Variants in MCF2L observed in about 807,000 individuals in gnomAD.
MCF2L encodes MCF.2 cell line derived transforming sequence like.
MCF2L carries 97 observed loss-of-function variants against 153.4 expected under a neutral mutation model. That is an observed-to-expected ratio of 0.63 (90% confidence interval 0.54 to 0.75). The LOEUF is 0.75. Among genes scored for constraint, MCF2L ranks in the 30% least tolerant of loss-of-function variants. The pLI is 0.00. For synonymous variants in MCF2L, 659 were observed against 632.2 expected, an observed-to-expected ratio of 1.04 and a Z score of -0.64; for missense variants, 1,347 against 1,495.2, an observed-to-expected ratio of 0.90 and a Z score of 1.64.
intron 2 of MCF2L, among the ~76,000 whole-genome samples, chr13:112,962,835 G>A (rs956731238): frequency 8.5e-5 from 13 of 152,200 alleles, no homozygotes; most frequent in African/African-American, 2.7e-4. Flanking sequence ...CCAGGCAGCC[G>A]ATGCCCTCAA....
chr13:112,958,879 G>T (rs1301050155), intron 2 of MCF2L, among the ~76,000 whole-genome samples: 1 of 152,172 alleles, frequency 6.6e-6, no homozygotes, highest in African/African-American at 2.4e-5. Context: ...ACAGGGTCTG[G>T]ATGGCTCGTG....
At chr13:113,095,692 T>A (rs1364615085) in intron 27 of MCF2L, 1 of 991,902 alleles carries the variant, frequency 1.0e-6, no homozygotes, top group Non-Finnish European at 1.2e-6. Flanking sequence ...GTCACCGTCC[T>A]CCTGCTCCAG....
intron 2 of MCF2L, among the ~76,000 whole-genome samples, chr13:113,023,372 C>G (rs1189487416): frequency 6.6e-6 from 1 of 152,208 alleles, no homozygotes; most frequent in Non-Finnish European, 1.5e-5. Context: ...CCACAGGGAG[C>G]CTCGGGGGCC....
intron 1 of MCF2L, among the ~76,000 whole-genome samples, chr13:113,011,003 G>A (rs1355115192): frequency 2.0e-5 from 3 of 152,210 alleles, no homozygotes; most frequent in Non-Finnish European, 2.9e-5. Context: ...GATCATAAGG[G>A]CAGATTTTCC....
At chr13:113,034,397 A>T (rs2993322) in intron 3 of MCF2L, among the ~76,000 whole-genome samples, 33,685 of 152,114 alleles carry the variant, frequency 0.22, 3,986 homozygotes, top group East Asian at 0.49. Context: ...TCAGCTTCCC[A>T]AAGTGCTGGG....
Position 112,951,811 on chromosome 13 carries a change from A to T in MCF2L, c.169+49440A>T, listed in dbSNP as rs1419228291. Among the ~76,000 whole-genome samples the T allele has an allele frequency of 2.0e-5, 3 of 152,128 alleles. No homozygotes were observed. The East Asian group carries it at 5.8e-4, about 29-fold the overall frequency. On this transcript the variant is annotated intron_variant, in intron 2 of 29. Transcript: ENST00000375608. This position sits in a 1 kb window ranked among gnomAD's most constrained non-coding sequence, Gnocchi z 4.8. ...TGGCAGGATGCTACCCCTGGAGGAA[A>T]ACGGTACACAAGACCTCTGTTTACT...
intron 1 of MCF2L, among the ~76,000 whole-genome samples, chr13:112,980,134 G>A (rs545397912): frequency 3.3e-5 from 5 of 152,332 alleles, no homozygotes; most frequent in South Asian, 4.1e-4. Context: ...CACAAGAGGT[G>A]TGTTTTGGGT....
chr13:112,899,738 A>G lies in MCF2L; in HGVS notation c.-4-2461A>G, dbSNP rs144526151. Among the ~76,000 whole-genome samples, 1,117 of 152,296 alleles carry G rather than the reference A, an allele frequency of 7.3e-3. 11 individuals carry two copies. Among genetic ancestry groups the G allele is most frequent in the African/African-American group, 0.025 (1,043 of 41,566 alleles). ...GGAGCTGACTGGCACCTGCTGCGGAAGAGGATGGCCTGGACCTGCCCTGTG... is the reference window on the plus strand; with the variant it reads ...GGAGCTGACTGGCACCTGCTGCGGAGGAGGATGGCCTGGACCTGCCCTGTG... On this transcript the variant is annotated intron_variant, in intron 1 of 29. Coordinates refer to the MCF2L transcript ENST00000375608.
At position 113,075,946 on chromosome 13, in the gene MCF2L, G is replaced by C; in HGVS notation, c.1309-20G>C. ...ACCCTCTCACGGCGTCCTGCCCTCG[G>C]CAATGCTCTGTGTTTCCAGTCCATG... On this transcript the variant is annotated intron_variant, in intron 11 of 29. Coordinates refer to ENST00000535094, the MANE Select transcript of MCF2L (RefSeq NM_001112732.3). The C allele has an allele frequency of 6.3e-7, 1 of 1,585,602 alleles. No homozygotes were observed. The highest frequency in any genetic ancestry group is 8.6e-7 in the Non-Finnish European group (1 of 1,164,132).
intron 1 of MCF2L, chr13:112,979,754 G>A (rs2082337649): frequency 6.2e-7 from 1 of 1,611,218 alleles, no homozygotes; most frequent in Non-Finnish European, 8.5e-7. Flanking sequence ...GGCGCTCGAG[G>A]CCAGGTGAGA....
chr13:113,036,185 T>G, intron 3 of MCF2L, among the ~76,000 whole-genome samples: 1 of 152,172 alleles, frequency 6.6e-6, no homozygotes, highest in East Asian at 1.9e-4. Flanking sequence ...AGTTCGCAGT[T>G]GGCCAGTGTT....
In MCF2L at chr13:112,898,914, C is replaced by CGCA. The variant is rs1204390597; in HGVS notation, c.-4-3285_-4-3284insGCA. ...CTCGCCACCTGCTTCAGGCCCTGCA[C>CGCA]CCACCACCACCCCATCCCACCACCC... On this transcript the variant is annotated intron_variant, in intron 1 of 29. Coordinates refer to the MCF2L transcript ENST00000375608. 3.9e-5 allele frequency among the ~76,000 whole-genome samples: 6 copies of CGCA among 152,298 alleles called. No homozygotes were observed. The East Asian group carries it at 1.2e-3, about 29-fold the overall frequency.
Position 112,907,315 on chromosome 13 carries a change from A to G in MCF2L, c.169+4944A>G, listed in dbSNP as rs1467272617. 1.3e-5 allele frequency among the ~76,000 whole-genome samples: 2 copies of G among 152,180 alleles called. No homozygotes were observed. Among genetic ancestry groups the G allele is most frequent in the Non-Finnish European group, 2.9e-5 (2 of 68,034 alleles). The stretch of plus-strand genomic sequence containing the variant: ...CTGAAAATGTACTTTGGGGAAGGGG[A>G]AAATGACCACAAGAAACAGATACTT... On this transcript the variant is annotated intron_variant, in intron 2 of 29. Coordinates refer to the MCF2L transcript ENST00000375608. This position sits in a 1 kb window ranked among gnomAD's most constrained non-coding sequence, Gnocchi z 5.1.
intron 8 of MCF2L, among the ~76,000 whole-genome samples, chr13:113,067,158 A>G (rs2032503093): frequency 6.6e-6 from 1 of 152,268 alleles, no homozygotes; most frequent in African/African-American, 2.4e-5. Flanking sequence ...CACGCCTGGC[A>G]GGGTGGGCGT....
Position 113,096,884 on chromosome 13 carries a change from C to G in MCF2L, c.*25C>G, listed in dbSNP as rs2035717560. The G allele has an allele frequency of 7.3e-7, 1 of 1,372,200 alleles. No homozygotes were observed. The highest frequency in any genetic ancestry group is 9.4e-7 in the Non-Finnish European group (1 of 1,066,062). The allele number at this position is 1,372,200 out of a possible 1,614,324, so 85.0% of individuals were successfully genotyped here. On this transcript the variant is annotated 3_prime_UTR_variant, in exon 30 of 30. Coordinates refer to ENST00000535094, the MANE Select transcript of MCF2L (RefSeq NM_001112732.3). ...GCGCGGCCTCGGCGCCGGAGACCCG[C>G]GCGCTGTCTGGGGCTGCGGTGGCGT...
chr13:113,083,944 G>A lies in MCF2L; in HGVS notation c.1992-54G>A, dbSNP rs1242450941. On this transcript the variant is annotated intron_variant, in intron 17 of 29. Transcript: ENST00000535094. ...AAATGACGTCCATCCACTTGTCACT[G>A]GTCCACGTGACTCGGCCTGTCTTTC... 1.9e-5 allele frequency: 25 copies of A among 1,287,208 alleles called. No homozygotes were observed. In the African/African-American group the frequency reaches 3.5e-4, roughly 18 times the overall value. 79.7% of individuals were successfully genotyped at this position (1,287,208 alleles called of 1,614,324 possible). A position where few individuals can be genotyped will look rare whatever the true frequency, so the allele number is the denominator to read the frequency against.
rs774744432 is a variant in MCF2L, at chr13:113,082,435, C to T, written c.1884C>T (p.Ala628=). The change falls in exon 17 of 30, where the codon GCC becomes GCT. Residue 628 remains alanine, a synonymous_variant. Coordinates refer to ENST00000535094, the MANE Select transcript of MCF2L (RefSeq NM_001112732.3). ...EELLCVLEGY[A]AEMDNPLMAH... is the part of the protein sequence containing the mutation. The stretch of plus-strand genomic sequence containing the variant: ...CTGCGCTCTCCCTGCAGGGCTACGC[C>T]GCGGAGATGGATAACCCACTGATGG... 1.1e-5 allele frequency: 18 copies of T among 1,611,690 alleles called. No homozygotes were observed. Among genetic ancestry groups the T allele is most frequent in the Admixed American group, 3.3e-5 (2 of 59,998 alleles).
chr13:113,023,276 T>TCAG (rs2085012978), intron 2 of MCF2L, among the ~76,000 whole-genome samples: 1 of 152,070 alleles, frequency 6.6e-6, no homozygotes, highest in Non-Finnish European at 1.5e-5. Flanking sequence ...GTGAGAACAA[T>TCAG]TGTATCAGAT....
At position 113,096,780 on chromosome 13, in the gene MCF2L, G is replaced by A. The variant is rs1393492448; in HGVS notation, c.3299G>A (p.Ser1100Asn). Residue 1100 changes from serine to asparagine, a missense_variant, in exon 30 of 30, where the codon AGC becomes AAC. Physicochemically the swap from Ser to Asn is conservative, Grantham distance 46 (BLOSUM62 1). Coordinates refer to ENST00000535094, the MANE Select transcript of MCF2L (RefSeq NM_001112732.3). ...SAQCLSSSES[S>N]PGSAVLSNSS... The stretch of plus-strand genomic sequence containing the variant: ...CCGCCTGATCTCCCCGCAGAGTCGA[G>A]CCCGGGGTCGGCCGTGCTGAGCAAC... The A allele has an allele frequency of 6.4e-7, 1 of 1,567,446 alleles. No individual in the cohort carries two copies. The highest frequency in any genetic ancestry group is 8.6e-7 in the Non-Finnish European group (1 of 1,165,962).
Sources: gnomAD v4.1 joint callset for allele counts (sites outside exome capture counted in the v4.1 genomes callset) on GRCh38, gnomAD v4.1.1 for gene constraint, Gnocchi (gnomAD v3.1) non-coding constraint, MANE v1.5 for transcripts, NCBI Gene and HGNC (gene_info 2026-07-23, HGNC 2026-07-21) for gene names.